COG5: variants seen among roughly 807,000 people sequenced by gnomAD.
COG5 encodes the protein component of oligomeric golgi complex 5.
COG5 carries 86 observed loss-of-function variants against 110.4 expected under a neutral mutation model. That is an observed-to-expected ratio of 0.78 (90% CI 0.65 to 0.93). The LOEUF (loss-of-function observed/expected upper bound fraction) is 0.93. Among genes scored for constraint, COG5 ranks in the 40% least tolerant of loss-of-function variants. The pLI, the probability that COG5 is intolerant of heterozygous loss-of-function variation, is 0.00. For synonymous variants in COG5, 360 were observed against 334.6 expected, an observed-to-expected ratio of 1.08 and a Z score of -0.83; for missense variants, 1,077 against 987.0, an observed-to-expected ratio of 1.09 and a Z score of -1.22.
At chr7:107,352,212 A>G (rs1469504959) in intron 10 of COG5, among the ~76,000 whole-genome samples, 2 of 149,134 alleles carry the variant, frequency 1.3e-5, no homozygotes, top group East Asian at 2.0e-4. Flanking sequence ...CTCAAGGACA[A>G]AAAACCAAAC....
At chr7:107,236,919 C>A (rs556857068) in intron 17 of COG5, among the ~76,000 whole-genome samples, 1 of 152,156 alleles carries the variant, frequency 6.6e-6, no homozygotes, top group South Asian at 2.1e-4. Context: ...ATTTTAGAAT[C>A]CATTTACCTA....
At chr7:107,420,530 G>T (rs964373182) in intron 6 of COG5, among the ~76,000 whole-genome samples, 25 of 152,154 alleles carry the variant, frequency 1.6e-4, no homozygotes, top group African/African-American at 6.0e-4. Flanking sequence ...GTGCAATCTC[G>T]GCTCACTGCA....
At chr7:107,283,520 A>G (rs1562949767) in intron 13 of COG5, 51 bp downstream of exon 13, 28 of 1,484,174 alleles carry the variant, frequency 1.9e-5, no homozygotes, top group Non-Finnish European at 2.5e-5. Context: ...ATATATCACT[A>G]ACAAATATGG....
intron 12 of COG5, among the ~76,000 whole-genome samples, chr7:107,296,117 A>T (rs1388117172): frequency 2.1e-5 from 3 of 146,270 alleles, no homozygotes; most frequent in Non-Finnish European, 4.5e-5. Flanking sequence ...TCACACAGTG[A>T]CCTACCTTCC....
At chr7:107,510,204 T>A (rs1378224676) in intron 6 of COG5, among the ~76,000 whole-genome samples, 1 of 151,768 alleles carries the variant, frequency 6.6e-6, no homozygotes, top group Non-Finnish European at 1.5e-5. Flanking sequence ...TGGAGGAAGA[T>A]CTACCAAGCA....
At chr7:107,269,204 G>A (rs569458149) in intron 14 of COG5, among the ~76,000 whole-genome samples, 45 of 152,110 alleles carry the variant, frequency 3.0e-4, no homozygotes, top group Non-Finnish European at 5.0e-4. Context: ...GGCCTGGCGC[G>A]GTGGCTCACG....
chr7:107,469,782 C>G (rs1437971174), intron 6 of COG5, among the ~76,000 whole-genome samples: 1 of 151,920 alleles, frequency 6.6e-6, no homozygotes, highest in Non-Finnish European at 1.5e-5. Context: ...CCCCACCTCC[C>G]TGCATTTTTT....
chr7:107,243,337 C>T (rs1801794624), intron 17 of COG5, among the ~76,000 whole-genome samples: 1 of 151,792 alleles, frequency 6.6e-6, no homozygotes, highest in African/African-American at 2.4e-5. Flanking sequence ...CACGGTGAAA[C>T]CCCGTCTCTA....
At chr7:107,498,155 C>T (rs1189625295) in intron 6 of COG5, among the ~76,000 whole-genome samples, 12 of 152,094 alleles carry the variant, frequency 7.9e-5, no homozygotes, top group South Asian at 6.2e-4. Context: ...ATGATTTAGC[C>T]GTTAGACCTG....
chr7:107,473,425 A>T (rs1401951078), intron 6 of COG5, among the ~76,000 whole-genome samples: 2 of 151,922 alleles, frequency 1.3e-5, no homozygotes, highest in Admixed American at 1.3e-4. Context: ...GATATGTAAA[A>T]TATTAATCAC....
At chr7:107,248,259 G>A (rs1802199629) in intron 17 of COG5, 137 bp downstream of exon 17, 1 of 684,524 alleles carries the variant, frequency 1.5e-6, no homozygotes, top group East Asian at 2.6e-5. Context: ...GGGTAATGAA[G>A]AGGGCTGAAA....
At chr7:107,445,562 T>C (rs1483502908) in intron 6 of COG5, among the ~76,000 whole-genome samples, 1 of 152,200 alleles carries the variant, frequency 6.6e-6, no homozygotes, top group African/African-American at 2.4e-5. Context: ...AATTGGAAAA[T>C]TGCCTTAATC....
chr7:107,512,892 T>C (rs1313306660), intron 6 of COG5, among the ~76,000 whole-genome samples: 1 of 151,612 alleles, frequency 6.6e-6, no homozygotes, highest in African/African-American at 2.4e-5. Context: ...ATACAAAAAT[T>C]AATTCAAGAT....
intron 14 of COG5, among the ~76,000 whole-genome samples, chr7:107,275,405 T>C (rs1473904442): frequency 6.6e-6 from 1 of 151,804 alleles, no homozygotes; most frequent in Non-Finnish European, 1.5e-5. Flanking sequence ...TTCATCTGTT[T>C]GCACATAATA....
intron 1 of COG5, among the ~76,000 whole-genome samples, chr7:107,560,565 C>G (rs541949140): frequency 6.6e-6 from 1 of 152,238 alleles, no homozygotes; most frequent in Non-Finnish European, 1.5e-5. Context: ...ACTTCTGCCT[C>G]CAAGGAATTC....
intron 12 of COG5, among the ~76,000 whole-genome samples, chr7:107,289,690 T>C (rs1421679140): frequency 1.3e-5 from 2 of 152,196 alleles, no homozygotes. Flanking sequence ...TTTTACAGTT[T>C]TATGAGTATA....
intron 10 of COG5, among the ~76,000 whole-genome samples, chr7:107,339,176 G>A (rs1196077069): frequency 6.6e-6 from 1 of 152,034 alleles, no homozygotes; most frequent in East Asian, 1.9e-4. Flanking sequence ...TAAAGGGTTG[G>A]AGAAAGATCA....
At chr7:107,394,392 A>G (rs1345767156) in intron 7 of COG5, among the ~76,000 whole-genome samples, 2 of 152,070 alleles carry the variant, frequency 1.3e-5, no homozygotes. Flanking sequence ...TGCTTTAGAA[A>G]TAATTATGAT....
At chr7:107,432,232 T>A (rs1015359173) in intron 6 of COG5, among the ~76,000 whole-genome samples, 1 of 152,178 alleles carries the variant, frequency 6.6e-6, no homozygotes, top group African/African-American at 2.4e-5. Flanking sequence ...AAAAAGAGTA[T>A]GACAATAATG....
Sources: gnomAD v4.1 joint callset for allele counts (sites outside exome capture counted in the v4.1 genomes callset) on GRCh38, gnomAD v4.1.1 for gene constraint, MANE v1.5 for transcripts, NCBI Gene and HGNC (gene_info 2026-07-23, HGNC 2026-07-21) for gene names.